Variants in IGSF10 observed in about 807,000 individuals in gnomAD.
The protein encoded by IGSF10 is calvaria mechanical force protein 608.
A neutral mutation model predicts 128.2 loss-of-function variants in IGSF10; 126 were observed. The observed-to-expected ratio is 0.98, with a 90% CI of 0.85 to 1.14. IGSF10 has a LOEUF of 1.14. Among genes scored for constraint, IGSF10 ranks in the 50% most tolerant of loss-of-function variants. The probability of loss-of-function intolerance (pLI) is 0.00; values close to 1 mark genes in which losing one functional copy is unlikely to be tolerated. For missense variants in IGSF10, 3,295 were observed against 3,149.8 expected (o/e 1.05, Z -1.10); for synonymous variants, 1,185 against 1,146.2 (o/e 1.03, Z -0.68).
chr3:151,466,141 A>C, the IGSF10 span, among the ~76,000 whole-genome samples: 2 of 152,062 alleles, frequency 1.3e-5, no homozygotes, highest in African/African-American at 4.8e-5. Context: ...TGTTCAATTA[A>C]ACTTTGTCAA....
chr3:151,596,344 A>G, the IGSF10 span, among the ~76,000 whole-genome samples: 1 of 152,214 alleles, frequency 6.6e-6, no homozygotes, highest in African/African-American at 2.4e-5. Flanking sequence ...CGTCAGACAT[A>G]ATGTATTTTT....
At position 151,445,023 on chromosome 3, in the gene IGSF10, C is replaced by T. The variant is rs1358844008; in HGVS notation, c.4958G>A (p.Gly1653Glu). The T allele has an allele frequency of 6.2e-7, 1 of 1,614,186 alleles. No homozygotes were observed. Among genetic ancestry groups the T allele is most frequent in the Non-Finnish European group, 8.5e-7 (1 of 1,180,018 alleles). Reference sequence around the variant, plus strand: ...TGGAATAGTAAAACTTGCAGCTTTTCCTCCAACTATCCTGGGCTTTTCAAA... The same window carrying T: ...TGGAATAGTAAAACTTGCAGCTTTTTCTCCAACTATCCTGGGCTTTTCAAA... ...YIFEKPRIVG[G>E]KAASFTIPAN... Residue 1653 changes from glycine to glutamate, a missense_variant, in exon 6 of 8, where the codon GGA becomes GAA. By Grantham distance (98) the Gly-to-Glu change is moderately conservative. Transcript: ENST00000282466.
chr3:151,605,385 C>A, the IGSF10 span, among the ~76,000 whole-genome samples: 3 of 152,074 alleles, frequency 2.0e-5, no homozygotes, highest in Admixed American at 2.0e-4. Context: ...ACAAAGTTAG[C>A]CTTACAGTCA....
the IGSF10 span, among the ~76,000 whole-genome samples, chr3:151,496,946 T>G: frequency 6.6e-6 from 1 of 152,208 alleles, no homozygotes; most frequent in Non-Finnish European, 1.5e-5. Context: ...TGAGCATTTT[T>G]TCATGTGTCT....
At chr3:151,617,245 C>CTTCTTCTCCTT in the IGSF10 span, among the ~76,000 whole-genome samples, 2,520 of 126,962 alleles carry the variant, frequency 0.02, 55 homozygotes, top group African/African-American at 0.028. Flanking sequence ...TCTTCCTCCT[C>CTTCTTCTCCTT]CTCTTCTTCT....
At chr3:151,575,644 G>C in the IGSF10 span, among the ~76,000 whole-genome samples, 4 of 152,192 alleles carry the variant, frequency 2.6e-5, no homozygotes, top group Non-Finnish European at 5.9e-5. Flanking sequence ...TCTTCCCTTG[G>C]CTAGGAAAGG....
In IGSF10 at chr3:151,445,906, TTG is replaced by T; in HGVS notation, c.4073_4074del (p.Pro1358GlnfsTer58). On this transcript the variant is annotated frameshift_variant, in exon 6 of 8. Coordinates refer to ENST00000282466, the MANE Select transcript of IGSF10 (RefSeq NM_178822.5). LOFTEE classifies it high-confidence loss of function. ...QEPQKKNRTD[P>X]NISPDQSSGF... The stretch of plus-strand genomic sequence containing the variant: ...CCAGAACTCTGGTCTGGAGAGATGT[TTG>T]GGTCAGTCCTGTTCTTCTTTTGAGG... 1 of 1,614,164 alleles carries T rather than the reference TTG, an allele frequency of 6.2e-7. No individual in the cohort carries two copies.
the IGSF10 span, among the ~76,000 whole-genome samples, chr3:151,615,598 G>T: frequency 1.4e-4 from 21 of 152,124 alleles, no homozygotes; most frequent in African/African-American, 5.1e-4. Context: ...TAACAGTGCG[G>T]AAGTAGGAAA....
At chr3:151,509,941 ATTGCTCAGGC>A in the IGSF10 span, among the ~76,000 whole-genome samples, 1 of 152,202 alleles carries the variant, frequency 6.6e-6, no homozygotes, top group Non-Finnish European at 1.5e-5. Context: ...GGCACCCACC[ATTGCTCAGGC>A]TTGAGTAGGT....
intron 6 of IGSF10, among the ~76,000 whole-genome samples, chr3:151,444,247 C>CA (rs74731196): frequency 1.4e-3 from 206 of 143,094 alleles, no homozygotes; most frequent in South Asian, 2.4e-3. Flanking sequence ...GGTGACAGAC[C>CA]AAAAAAAAAA....
chr3:151,539,144 G>A, the IGSF10 span, among the ~76,000 whole-genome samples: 1 of 152,174 alleles, frequency 6.6e-6, no homozygotes, highest in Non-Finnish European at 1.5e-5. Flanking sequence ...CCTAGAATTA[G>A]GGACTTACTT....
chr3:151,437,099 T>TA lies in IGSF10; in HGVS notation c.7461_7462insT (p.Asn2488Ter), dbSNP rs1720361033. On this transcript the variant is annotated frameshift_variant, in exon 8 of 8. Transcript: ENST00000282466. LOFTEE classifies it low-confidence loss of function (END_TRUNC). ...GCTTCTTTAATGACTAAGGTGCCAT[T>TA]GTCATGCAATATGTATTTCCCATTA... 6.2e-7 allele frequency: 1 copy of TA among 1,614,110 alleles called. No homozygotes were observed. Among genetic ancestry groups the TA allele is most frequent in the Non-Finnish European group, 8.5e-7 (1 of 1,180,036 alleles).
chr3:151,615,526 C>T, the IGSF10 span, among the ~76,000 whole-genome samples: 1 of 152,064 alleles, frequency 6.6e-6, no homozygotes, highest in African/African-American at 2.4e-5. Flanking sequence ...AAGAAATTTG[C>T]AGTAATGGGA....
At chr3:151,566,224 A>G in the IGSF10 span, among the ~76,000 whole-genome samples, 1 of 152,236 alleles carries the variant, frequency 6.6e-6, no homozygotes, top group East Asian at 1.9e-4. Flanking sequence ...TAGTTTATGA[A>G]TTAGGAAGCA....
the IGSF10 span, among the ~76,000 whole-genome samples, chr3:151,522,309 T>C: frequency 6.6e-6 from 1 of 151,954 alleles, no homozygotes; most frequent in Non-Finnish European, 1.5e-5. Context: ...TCCAAAACAA[T>C]TAAGGAGGAG....
the IGSF10 span, among the ~76,000 whole-genome samples, chr3:151,619,374 C>A: frequency 1.3e-5 from 2 of 148,284 alleles, no homozygotes; most frequent in Non-Finnish European, 3.0e-5. Context: ...TATAATATAA[C>A]AAGAGAAAAA....
the IGSF10 span, among the ~76,000 whole-genome samples, chr3:151,529,713 A>C: frequency 4.5e-4 from 69 of 152,344 alleles, no homozygotes; most frequent in African/African-American, 1.6e-3. Context: ...GGTTACCAAC[A>C]TCAAAGACCA....
chr3:151,456,578 C>T (rs767119101), intron 4 of IGSF10, among the ~76,000 whole-genome samples: 3 of 152,098 alleles, frequency 2.0e-5, no homozygotes, highest in African/African-American at 4.8e-5. Context: ...TGATTTTATG[C>T]ATTCTTGGGA....
In IGSF10 at chr3:151,436,557, A is replaced by AT; in HGVS notation, c.*131dup. 4.8e-6 allele frequency: 3 copies of AT among 630,582 alleles called. No individual in the cohort carries two copies. Among genetic ancestry groups the AT allele is most frequent in the African/African-American group, 3.7e-5 (2 of 54,424 alleles). The allele number at this position is 630,582 out of a possible 1,614,324, so 39.1% of individuals were successfully genotyped here. A position where few individuals can be genotyped will look rare whatever the true frequency, so the allele number is the denominator to read the frequency against. On this transcript the variant is annotated 3_prime_UTR_variant, in exon 8 of 8. Transcript: ENST00000282466. Reference sequence around the variant, plus strand: ...AATGCATTTATTTACAAGTCCTTTTATTTTGCATGTTCATTGTAAATTTAA... The same window carrying AT: ...AATGCATTTATTTACAAGTCCTTTTATTTTTGCATGTTCATTGTAAATTTAA...
Sources: gnomAD v4.1 joint callset for allele counts (sites outside exome capture counted in the v4.1 genomes callset) on GRCh38, gnomAD v4.1.1 for gene constraint, MANE v1.5 for transcripts, NCBI Gene and HGNC (gene_info 2026-07-23, HGNC 2026-07-21) for gene names.